Variants in CSTL1 observed in about 807,000 individuals in gnomAD.
The protein encoded by CSTL1 is cystatin like 1.
In CSTL1, 14 loss-of-function variants were observed where a neutral mutation model predicts 14.4. The ratio of observed to expected loss-of-function variants is 0.97; its 90% confidence interval spans 0.64 to 1.52. The LOEUF is 1.52. Among genes scored for constraint, CSTL1 ranks in the 40% most tolerant of loss-of-function variants. The pLI is 0.00. For missense variants in CSTL1, 170 were observed against 168.7 expected, an observed-to-expected ratio of 1.01 and a Z score of -0.04; for synonymous variants, 72 against 67.5, an observed-to-expected ratio of 1.07 and a Z score of -0.33.
the CSTL1 span, among the ~76,000 whole-genome samples, chr20:23,453,028 C>A: frequency 1.3e-5 from 2 of 152,106 alleles, no homozygotes; most frequent in Non-Finnish European, 2.9e-5. Context: ...ATGCCACACA[C>A]ACACAGGATA....
downstream of CSTL1, among the ~76,000 whole-genome samples, chr20:23,449,647 C>T (rs376407405): frequency 1.1e-3 from 161 of 152,256 alleles, 2 homozygotes; most frequent in South Asian, 0.032. Flanking sequence ...AATCAGGCTG[C>T]GGAGTTGGGG....
At chr20:23,458,304 A>G in the CSTL1 span, among the ~76,000 whole-genome samples, 1 of 152,206 alleles carries the variant, frequency 6.6e-6, no homozygotes, top group Non-Finnish European at 1.5e-5. Flanking sequence ...CTCTGCTGGA[A>G]GATGCTATCT....
the CSTL1 span, among the ~76,000 whole-genome samples, chr20:23,455,808 G>A: frequency 1.3e-5 from 2 of 152,246 alleles, no homozygotes; most frequent in African/African-American, 4.8e-5. Flanking sequence ...GGTTGATCTC[G>A]TCAGTGGCCC....
chr20:23,442,081 A>C (rs1353952578), intron 2 of CSTL1, among the ~76,000 whole-genome samples: 3 of 152,256 alleles, frequency 2.0e-5, no homozygotes, highest in Non-Finnish European at 4.4e-5. Context: ...TTGCCTTGTG[A>C]AATCAATCCA....
chr20:23,440,566 C>T, intron 2 of CSTL1, 80 bp downstream of exon 2: 3 of 1,044,114 alleles, frequency 2.9e-6, no homozygotes, highest in Non-Finnish European at 4.5e-6. Context: ...GGGTAGCTCC[C>T]AAGAGAACCA....
chr20:23,448,549 G>A (rs1332077348), downstream of CSTL1, among the ~76,000 whole-genome samples: 1 of 152,190 alleles, frequency 6.6e-6, no homozygotes, highest in Non-Finnish European at 1.5e-5. Flanking sequence ...GAAACTAGAG[G>A]AAGGACACAG....
the CSTL1 span, among the ~76,000 whole-genome samples, chr20:23,456,546 G>C: frequency 6.6e-6 from 1 of 152,098 alleles, no homozygotes; most frequent in African/African-American, 2.4e-5. Flanking sequence ...TGGCTGTTCT[G>C]GGGTCCCTTC....
At chr20:23,451,835 T>TG in the CSTL1 span, 1 of 1,613,946 alleles carries the variant, frequency 6.2e-7, no homozygotes. Flanking sequence ...CTCCCTTTCC[T>TG]GGGGGACACA....
At chr20:23,454,761 G>C in the CSTL1 span, among the ~76,000 whole-genome samples, 1 of 152,224 alleles carries the variant, frequency 6.6e-6, no homozygotes, top group East Asian at 1.9e-4. Context: ...CTGTAAGTGG[G>C]ATATCAATGC....
chr20:23,452,913 G>T, the CSTL1 span: 7 of 842,396 alleles, frequency 8.3e-6, no homozygotes, highest in African/African-American at 8.5e-5. Flanking sequence ...AGAGCAGCTG[G>T]TGGTGGACAC....
At chr20:23,458,897 G>A in the CSTL1 span, among the ~76,000 whole-genome samples, 3 of 152,122 alleles carry the variant, frequency 2.0e-5, no homozygotes, top group Admixed American at 6.5e-5. Flanking sequence ...CTCCATTAAA[G>A]AGGGGCCAAC....
chr20:23,455,201 TTG>T, the CSTL1 span, among the ~76,000 whole-genome samples: 177 of 152,318 alleles, frequency 1.2e-3, 1 homozygote, highest in African/African-American at 4.0e-3. Context: ...ATCCCAACTC[TTG>T]TATAGTAAAG....
the CSTL1 span, among the ~76,000 whole-genome samples, chr20:23,456,013 C>T: frequency 6.6e-6 from 1 of 152,160 alleles, no homozygotes; most frequent in Non-Finnish European, 1.5e-5. Context: ...TGACCTCTTC[C>T]TCTATGTTCA....
chr20:23,446,326 G>A (rs1986966144), downstream of CSTL1, among the ~76,000 whole-genome samples: 1 of 151,840 alleles, frequency 6.6e-6, no homozygotes, highest in Non-Finnish European at 1.5e-5. Flanking sequence ...CACGATCTTG[G>A]CTCACTGCAG....
downstream of CSTL1, among the ~76,000 whole-genome samples, chr20:23,446,790 C>T (rs906522313): frequency 3.3e-5 from 5 of 152,162 alleles, no homozygotes; most frequent in African/African-American, 7.2e-5. Flanking sequence ...TCAGCCTCTT[C>T]CCAGGCACCA....
chr20:23,444,975 GCACA>G (rs1216121349), downstream of CSTL1: 4 of 793,202 alleles, frequency 5.0e-6, no homozygotes, highest in African/African-American at 5.1e-5. Context: ...ACACACACAT[GCACA>G]CACAGAGTGT....
the CSTL1 span, among the ~76,000 whole-genome samples, chr20:23,460,606 G>A: frequency 1.5e-3 from 235 of 152,028 alleles, 1 homozygote; most frequent in Admixed American, 2.7e-3. Flanking sequence ...GGAGACAGGT[G>A]CCTTTCTCTG....
chr20:23,450,694 T>TC, the CSTL1 span: 1 of 680,680 alleles, frequency 1.5e-6, no homozygotes, highest in African/African-American at 1.8e-5. Context: ...CTACCACCTC[T>TC]CCACCCCTAC....
At chr20:23,451,891 A>G in the CSTL1 span, 149,830 of 1,613,256 alleles carry the variant, frequency 0.093, 16,764 homozygotes, top group African/African-American at 0.53. Context: ...GCATTTCCAC[A>G]TTCAGGTGAT....
Sources: gnomAD v4.1 joint callset for allele counts (sites outside exome capture counted in the v4.1 genomes callset) on GRCh38, gnomAD v4.1.1 for gene constraint, MANE v1.5 for transcripts, NCBI Gene and HGNC (gene_info 2026-07-23, HGNC 2026-07-21) for gene names.